The following CES5A variants were observed in gnomAD, a reference collection of about 807,000 sequenced individuals.
The protein encoded by CES5A is carboxylesterase 5.
Under a neutral mutation model 62.9 loss-of-function variants are expected in CES5A, and 67 were observed. That is an observed-to-expected ratio of 1.07 (90% CI 0.88 to 1.31). CES5A has a LOEUF of 1.31. Among genes scored for constraint, CES5A ranks in the 50% most tolerant of loss-of-function variants. CES5A has a pLI of 0.00. For synonymous variants in CES5A, 296 were observed against 280.8 expected, an observed-to-expected ratio of 1.05 and a Z score of -0.54; for missense variants, 748 against 708.5, an observed-to-expected ratio of 1.06 and a Z score of -0.63.
chr16:55,862,621 C>T (rs2033375929), intron 6 of CES5A, among the ~76,000 whole-genome samples: 2 of 152,166 alleles, frequency 1.3e-5, no homozygotes, highest in South Asian at 4.1e-4. Flanking sequence ...TTGCATAACT[C>T]TATGTTTCTG....
intron 1 of CES5A, among the ~76,000 whole-genome samples, chr16:55,913,835 A>G (rs1181317460): frequency 1.3e-5 from 2 of 152,182 alleles, no homozygotes; most frequent in African/African-American, 2.4e-5. Context: ...TTTATTAAGC[A>G]TCTACTGCCA....
At chr16:55,874,110 TC>T in intron 1 of CES5A, 73 bp from the exon 2 acceptor site, 1 of 1,348,648 alleles carries the variant, frequency 7.4e-7, no homozygotes, top group Non-Finnish European at 1.0e-6. Context: ...AGTCTGGAGC[TC>T]CCCAGTGGGG....
chr16:55,930,603 G>A (rs923240322), intron 2 of CES5A, among the ~76,000 whole-genome samples: 64 of 152,302 alleles, frequency 4.2e-4, no homozygotes, highest in African/African-American at 1.5e-3. Flanking sequence ...GCAGCCCCTC[G>A]ATTTTGGACT....
rs572398270 is a variant in CES5A, at chr16:55,923,543, T to A, written c.-256+1780A>T. 3.4e-4 allele frequency among the ~76,000 whole-genome samples: 51 copies of A among 151,786 alleles called. No individual in the cohort carries two copies. The South Asian group carries it at 0.01, about 30-fold the overall frequency. On this transcript the variant is annotated intron_variant, in intron 1 of 12. Coordinates refer to the CES5A transcript ENST00000518005. ...CATAATAAAATGTCTCCCAACAAAG[T>A]AAAGCCCAGGACCTGATAGCTTCAC...
At chr16:55,928,990 G>A (rs1323344281), upstream of CES5A, among the ~76,000 whole-genome samples, 4 of 152,146 alleles carry the variant, frequency 2.6e-5, no homozygotes, top group African/African-American at 9.7e-5. Flanking sequence ...GCCACAGCCT[G>A]CAGGACCATA....
In CES5A at chr16:55,846,820, T is replaced by TCTC; in HGVS notation, c.1441_1443dup (p.Glu481dup). 1 of 1,614,006 alleles carries TCTC rather than the reference T, an allele frequency of 6.2e-7. No individual in the cohort carries two copies. The highest frequency in any genetic ancestry group is 8.5e-7 in the Non-Finnish European group (1 of 1,179,978). ...TTCATCATCTTCCGGCTCAGTAACT[T>TCTC]CTCCTCCTCCGTGGCTCCTTCTGAA... On this transcript the variant is annotated inframe_insertion, in exon 12 of 13. Coordinates refer to ENST00000290567, the MANE Select transcript of CES5A (RefSeq NM_001143685.2).
At chr16:55,925,172 TAAAC>T (rs1395927245) in intron 1 of CES5A, among the ~76,000 whole-genome samples, 1 of 151,246 alleles carries the variant, frequency 6.6e-6, no homozygotes, top group East Asian at 1.9e-4. Context: ...CAATAGCAAA[TAAAC>T]AATCCAAATA....
intron 1 of CES5A, among the ~76,000 whole-genome samples, chr16:55,954,991 G>C (rs1690751848): frequency 6.6e-6 from 1 of 152,140 alleles, no homozygotes; most frequent in Non-Finnish European, 1.5e-5. Flanking sequence ...CATGCACAAG[G>C]AAATTGTCCA....
intron 1 of CES5A, among the ~76,000 whole-genome samples, chr16:55,951,322 A>C (rs927309815): frequency 3.9e-5 from 6 of 152,110 alleles, no homozygotes; most frequent in African/African-American, 1.4e-4. Context: ...GAAAGTAAGC[A>C]GTAAAGAAAT....
upstream of CES5A, among the ~76,000 whole-genome samples, chr16:55,875,661 C>T (rs1467132305): frequency 4.6e-5 from 7 of 152,212 alleles, no homozygotes; most frequent in African/African-American, 7.2e-5. Context: ...CTGGGACAAG[C>T]GAGTGGCTCT....
intron 2 of CES5A, among the ~76,000 whole-genome samples, chr16:55,946,118 A>T (rs1165661618): frequency 1.3e-5 from 2 of 152,236 alleles, no homozygotes; most frequent in Non-Finnish European, 2.9e-5. Flanking sequence ...AAATCTTTTC[A>T]TCGGGTTAGA....
At chr16:55,935,788 C>CTT (rs34193005) in intron 2 of CES5A, among the ~76,000 whole-genome samples, 36 of 146,516 alleles carry the variant, frequency 2.5e-4, no homozygotes, top group Admixed American at 8.2e-4. Flanking sequence ...TTCACTAATG[C>CTT]TTTTTTTTTT....
At chr16:55,917,280 C>G (rs1184122467) in intron 1 of CES5A, among the ~76,000 whole-genome samples, 1 of 152,244 alleles carries the variant, frequency 6.6e-6, no homozygotes, top group Non-Finnish European at 1.5e-5. Context: ...ATTGCTGCCT[C>G]ACAAATTACC....
chr16:55,869,494 C>T, intron 4 of CES5A, 117 bp downstream of exon 4: 1 of 1,381,828 alleles, frequency 7.2e-7, no homozygotes, highest in Non-Finnish European at 9.4e-7. Context: ...TAATTAGGGC[C>T]AGTTTTGTTC....
At chr16:55,939,413 A>G (rs1186183201) in intron 2 of CES5A, among the ~76,000 whole-genome samples, 2 of 152,234 alleles carry the variant, frequency 1.3e-5, no homozygotes, top group Non-Finnish European at 2.9e-5. Flanking sequence ...CACTGTTCTG[A>G]GGACTCTGTA....
At chr16:55,868,336 C>T (rs2033507803) in intron 4 of CES5A, among the ~76,000 whole-genome samples, 2 of 152,350 alleles carry the variant, frequency 1.3e-5, no homozygotes, top group South Asian at 4.1e-4. Context: ...AGGCCCAGTG[C>T]AGTCTGCAAA....
At chr16:55,903,574 T>C (rs2034011526) in intron 1 of CES5A, among the ~76,000 whole-genome samples, 1 of 152,162 alleles carries the variant, frequency 6.6e-6, no homozygotes, top group Non-Finnish European at 1.5e-5. Flanking sequence ...TCCACAGGGA[T>C]ATAATGGCAG....
intron 1 of CES5A, among the ~76,000 whole-genome samples, chr16:55,905,596 G>A (rs542620005): frequency 6.6e-6 from 1 of 151,908 alleles, no homozygotes; most frequent in Non-Finnish European, 1.5e-5. Flanking sequence ...TCCTGACCTC[G>A]TGATCCGCCT....
At chr16:55,926,612 T>C (rs1191412550), upstream of CES5A, among the ~76,000 whole-genome samples, 1 of 152,216 alleles carries the variant, frequency 6.6e-6, no homozygotes, top group African/African-American at 2.4e-5. Context: ...CCTAATGGTT[T>C]CTCACCAAAA....
Sources: allele counts gnomAD v4.1 joint callset (sites outside exome capture counted in the v4.1 genomes callset), GRCh38; gene constraint gnomAD v4.1.1; transcripts MANE v1.5; gene names NCBI Gene and HGNC (gene_info 2026-07-23, HGNC 2026-07-21).